PRR16: variants seen among roughly 807,000 people sequenced by gnomAD.
PRR16 encodes the protein protein Largen.
Under a neutral mutation model 18.2 loss-of-function variants are expected in PRR16, and 6 were observed. That is an observed-to-expected ratio of 0.33 (90% CI 0.18 to 0.65). PRR16 has a LOEUF of 0.65. Ranked by LOEUF, PRR16 falls within the 30% of genes least tolerant of loss-of-function variation. PRR16 has a pLI of 0.74. For synonymous variants in PRR16, 151 were observed against 147.8 expected (o/e 1.02, Z -0.16); for missense variants, 412 against 376.6 (o/e 1.09, Z -0.78).
At chr5:120,672,897 A>G (rs766910101) in intron 1 of PRR16, among the ~76,000 whole-genome samples, 13 of 152,206 alleles carry the variant, frequency 8.5e-5, no homozygotes, top group Non-Finnish European at 1.8e-4. Flanking sequence ...TGAAGTGTAT[A>G]CACACAAAAT....
chr5:120,653,401 A>T (rs980811544), intron 1 of PRR16, among the ~76,000 whole-genome samples: 5 of 152,100 alleles, frequency 3.3e-5, no homozygotes, highest in South Asian at 2.1e-4. Context: ...ATGATTTTTT[A>T]AAATTAAGAA....
chr5:120,566,562 T>A (rs1752744960), intron 1 of PRR16, among the ~76,000 whole-genome samples: 1 of 152,212 alleles, frequency 6.6e-6, no homozygotes, highest in African/African-American at 2.4e-5. Flanking sequence ...GAGGTGCTAT[T>A]GGCTGATGGA....
chr5:120,684,113 G>A, intron 1 of PRR16, among the ~76,000 whole-genome samples: 1 of 152,142 alleles, frequency 6.6e-6, no homozygotes, highest in East Asian at 1.9e-4. Flanking sequence ...CTGACCAGAA[G>A]GTGAGTGAAA....
the PRR16 span, among the ~76,000 whole-genome samples, chr5:120,722,254 C>A: frequency 6.6e-6 from 1 of 151,890 alleles, no homozygotes; most frequent in African/African-American, 2.4e-5. Context: ...CTTATAGAGC[C>A]AAGATTTCCT....
At chr5:120,580,199 C>T (rs942158585) in intron 1 of PRR16, among the ~76,000 whole-genome samples, 36 of 152,212 alleles carry the variant, frequency 2.4e-4, no homozygotes, top group African/African-American at 7.7e-4. Flanking sequence ...GACTTCCTCT[C>T]TTCCTATTTG....
chr5:120,777,107 G>T, the PRR16 span, among the ~76,000 whole-genome samples: 1 of 151,972 alleles, frequency 6.6e-6, no homozygotes, highest in African/African-American at 2.4e-5. Context: ...ACCTCTATGA[G>T]AAATTAGTGG....
chr5:120,758,974 C>CTTTTTTTTTTT, the PRR16 span, among the ~76,000 whole-genome samples: 1 of 110,352 alleles, frequency 9.1e-6, no homozygotes, highest in Non-Finnish European at 1.7e-5. Context: ...ACCATAATTT[C>CTTTTTTTTTTT]TTTTTTTTTT....
At chr5:120,565,965 C>G (rs190765104) in intron 1 of PRR16, among the ~76,000 whole-genome samples, 1 of 152,296 alleles carries the variant, frequency 6.6e-6, no homozygotes, top group East Asian at 1.9e-4. Context: ...ACAACATATT[C>G]TGTGTTAAAT....
At chr5:120,499,687 T>G (rs571642051) in intron 1 of PRR16, among the ~76,000 whole-genome samples, 112 of 152,282 alleles carry the variant, frequency 7.4e-4, no homozygotes, top group African/African-American at 2.4e-3. Flanking sequence ...TTATAATTAT[T>G]CTTTGAAGCA....
intron 1 of PRR16, among the ~76,000 whole-genome samples, chr5:120,552,872 C>A (rs1385885184): frequency 6.6e-6 from 1 of 151,770 alleles, no homozygotes; most frequent in African/African-American, 2.4e-5. Flanking sequence ...TCATTCCCTG[C>A]ATGTTGATAG....
intron 1 of PRR16, among the ~76,000 whole-genome samples, chr5:120,519,443 T>C (rs969883286): frequency 4.6e-5 from 7 of 152,134 alleles, no homozygotes; most frequent in African/African-American, 7.2e-5. Flanking sequence ...ATGATAGGCA[T>C]TGAGTGATGA....
chr5:120,665,040 C>A (rs992471825), intron 1 of PRR16, among the ~76,000 whole-genome samples: 1 of 149,550 alleles, frequency 6.7e-6, no homozygotes, highest in Non-Finnish European at 1.5e-5. Context: ...ACACTGACTT[C>A]CACAATGGTT....
chr5:120,669,376 A>T (rs1756512814), intron 1 of PRR16, among the ~76,000 whole-genome samples: 1 of 152,044 alleles, frequency 6.6e-6, no homozygotes, highest in Non-Finnish European at 1.5e-5. Context: ...TTAGTTTGCC[A>T]ACTCTACTTT....
At chr5:120,490,038 C>T (rs1749969440) in intron 1 of PRR16, among the ~76,000 whole-genome samples, 5 of 152,170 alleles carry the variant, frequency 3.3e-5, no homozygotes. Context: ...GTCTGATGGG[C>T]TTCCCTTTGT....
intron 1 of PRR16, among the ~76,000 whole-genome samples, chr5:120,593,442 C>A (rs1273564699): frequency 6.6e-6 from 1 of 151,874 alleles, no homozygotes; most frequent in Non-Finnish European, 1.5e-5. Flanking sequence ...CCCTCCCAAG[C>A]TGAACCAGGA....
intron 1 of PRR16, among the ~76,000 whole-genome samples, chr5:120,633,569 GTTC>G (rs1384302265): frequency 3.3e-5 from 5 of 152,106 alleles, no homozygotes; most frequent in East Asian, 1.9e-4. Flanking sequence ...AATAGGAGTA[GTTC>G]TTCTTATTTC....
chr5:120,786,748 C>T, the PRR16 span, among the ~76,000 whole-genome samples: 1 of 151,652 alleles, frequency 6.6e-6, no homozygotes, highest in Non-Finnish European at 1.5e-5. Context: ...TGCTTGCTGT[C>T]TTTGGCATTT....
At chr5:120,585,507 T>G (rs943111852) in intron 1 of PRR16, among the ~76,000 whole-genome samples, 1 of 151,828 alleles carries the variant, frequency 6.6e-6, no homozygotes, top group Non-Finnish European at 1.5e-5. Flanking sequence ...GTAATCCAGC[T>G]ACTCACGAGG....
intron 1 of PRR16, among the ~76,000 whole-genome samples, chr5:120,611,237 G>A (rs534197869): frequency 8.5e-5 from 13 of 152,296 alleles, no homozygotes; most frequent in East Asian, 3.9e-4. Context: ...GAAGCAGAGC[G>A]TTAAAGTTTG....
Sources: allele counts gnomAD v4.1 joint callset (sites outside exome capture counted in the v4.1 genomes callset), GRCh38; gene constraint gnomAD v4.1.1; transcripts MANE v1.5; gene names NCBI Gene and HGNC (gene_info 2026-07-23, HGNC 2026-07-21).